GBF1: variants seen among roughly 807,000 people sequenced by gnomAD.
GBF1 encodes Golgi-specific brefeldin A-resistance guanine nucleotide exchange factor 1.
GBF1 carries 114 observed loss-of-function variants against 210.5 expected under a neutral mutation model. That is an observed-to-expected ratio of 0.54 (90% CI 0.47 to 0.63). The LOEUF (loss-of-function observed/expected upper bound fraction) is 0.63. GBF1 is among the 30% of genes least tolerant of loss of function. The pLI is 0.00. For synonymous variants in GBF1, 850 were observed against 889.2 expected, an observed-to-expected ratio of 0.96 and a Z score of 0.78; for missense variants, 1,851 against 2,357.7, an observed-to-expected ratio of 0.79 and a Z score of 4.45.
At position 102,382,415 on chromosome 10, in the gene GBF1, C is replaced by A; in HGVS notation, c.*79C>A. ...CCACTTCTGGCTGTCCTGCGGGCCA[C>A]AAGCTCTTCAGGCCAAGTCAGAGCT... On this transcript the variant is annotated 3_prime_UTR_variant, in exon 40 of 40. Coordinates refer to ENST00000369983, the MANE Select transcript of GBF1 (RefSeq NM_001377137.1). The A allele has an allele frequency of 7.6e-7, 1 of 1,315,868 alleles. No homozygotes were observed. The highest frequency in any genetic ancestry group is 1.0e-6 in the Non-Finnish European group (1 of 953,478). 81.5% of individuals were successfully genotyped at this position (1,315,868 alleles called of 1,614,324 possible). A position where few individuals can be genotyped will look rare whatever the true frequency, so the allele number is the denominator to read the frequency against.
intron 1 of GBF1, among the ~76,000 whole-genome samples, chr10:102,246,493 TC>T (rs1169659601): frequency 6.6e-6 from 1 of 152,178 alleles, no homozygotes; most frequent in African/African-American, 2.4e-5. Context: ...TCTCAGATCT[TC>T]ACTAAGGAGA....
chr10:102,350,072 C>T (rs563774669), intron 4 of GBF1, among the ~76,000 whole-genome samples: 3 of 152,200 alleles, frequency 2.0e-5, no homozygotes, highest in South Asian at 2.1e-4. Context: ...GTCTTTGGGC[C>T]AGGCATGGTA....
At chr10:102,233,564 A>T in the GBF1 span, among the ~76,000 whole-genome samples, 1 of 152,082 alleles carries the variant, frequency 6.6e-6, no homozygotes, top group Non-Finnish European at 1.5e-5. Flanking sequence ...TCGGCCTCCC[A>T]AAGTGCTGGA....
At chr10:102,249,953 G>A (rs767891081) in intron 1 of GBF1, among the ~76,000 whole-genome samples, 11 of 152,140 alleles carry the variant, frequency 7.2e-5, no homozygotes, top group Non-Finnish European at 1.3e-4. Context: ...GCCTCCCAAA[G>A]TGCTGGGATT....
intron 5 of GBF1, 69 bp from the exon 6 acceptor site, chr10:102,351,774 C>T (rs948282559): frequency 1.1e-6 from 1 of 892,128 alleles, no homozygotes; most frequent in Non-Finnish European, 1.9e-6. Flanking sequence ...CTTGCTAACC[C>T]CTCTCTCTTA....
At chr10:102,342,038 C>CTTTTTTTTTTTTTTTTAT (rs762320060) in intron 3 of GBF1, among the ~76,000 whole-genome samples, 1 of 139,232 alleles carries the variant, frequency 7.2e-6, no homozygotes, top group Non-Finnish European at 1.6e-5. Flanking sequence ...TTTTTATGTA[C>CTTTTTTTTTTTTTTTTAT]TTTTTTTTTT....
chr10:102,242,404 C>T (rs1026805268), upstream of GBF1, among the ~76,000 whole-genome samples: 1 of 152,210 alleles, frequency 6.6e-6, no homozygotes, highest in Non-Finnish European at 1.5e-5. Context: ...TTAGGCTGTG[C>T]TCTCCCTCCT....
chr10:102,254,866 A>T (rs974226853), intron 1 of GBF1, among the ~76,000 whole-genome samples: 1 of 152,100 alleles, frequency 6.6e-6, no homozygotes, highest in Non-Finnish European at 1.5e-5. Context: ...TGACCTTGTG[A>T]CAAGGGATTT....
At position 102,366,786 on chromosome 10, in the gene GBF1, A is replaced by T. The variant is rs758294358; in HGVS notation, c.2433+280A>T. Among the ~76,000 whole-genome samples, 10 of 151,792 alleles carry T rather than the reference A, an allele frequency of 6.6e-5. No homozygotes were observed. The highest frequency in any genetic ancestry group is 1.3e-4 in the Non-Finnish European group (9 of 67,958). On this transcript the variant is annotated intron_variant, in intron 19 of 39. Coordinates refer to ENST00000369983, the MANE Select transcript of GBF1 (RefSeq NM_001377137.1). The surrounding 1 kb of genome is among the most constrained non-coding windows in gnomAD (Gnocchi z 4.0). ...ATTTTTAGTAGAGATGGGTTTTGCC[A>T]TGTTGGTCAGGCTGGTCTCGAACTC...
the GBF1 span, among the ~76,000 whole-genome samples, chr10:102,237,311 T>C: frequency 6.6e-6 from 1 of 151,904 alleles, no homozygotes; most frequent in Non-Finnish European, 1.5e-5. Context: ...CGTGACTGAA[T>C]TGGGAGTTCA....
intron 3 of GBF1, among the ~76,000 whole-genome samples, chr10:102,319,886 G>A (rs1394174448): frequency 6.6e-6 from 1 of 151,558 alleles, no homozygotes; most frequent in Non-Finnish European, 1.5e-5. Flanking sequence ...CTGCCACCAC[G>A]CCCAACTAAT....
At chr10:102,312,900 T>C (rs2078599249) in intron 3 of GBF1, among the ~76,000 whole-genome samples, 1 of 152,154 alleles carries the variant, frequency 6.6e-6, no homozygotes. Context: ...ATCTGAGCTG[T>C]GCCTTGTCCT....
At chr10:102,346,625 C>T (rs537309259) in intron 4 of GBF1, among the ~76,000 whole-genome samples, 1 of 152,186 alleles carries the variant, frequency 6.6e-6, no homozygotes, top group African/African-American at 2.4e-5. Flanking sequence ...CTCCCACCTC[C>T]GCCTCCCAAG....
At position 102,369,611 on chromosome 10, in the gene GBF1, C is replaced by T. The variant is rs998171434; in HGVS notation, c.3151-100C>T. The stretch of plus-strand genomic sequence containing the variant: ...ACCAATTGGCACAATAGCATAGGGG[C>T]AGAAGACTAGAGGAGGAAATCCAGA... On this transcript the variant is annotated intron_variant, in intron 24 of 39. Coordinates refer to ENST00000369983, the MANE Select transcript of GBF1 (RefSeq NM_001377137.1). 6.3e-6 allele frequency: 7 copies of T among 1,115,814 alleles called. No homozygotes were observed. In the Admixed American group the frequency reaches 1.3e-4, roughly 21 times the overall value. The allele number at this position is 1,115,814 out of a possible 1,614,324, so 69.1% of individuals were successfully genotyped here.
chr10:102,260,757 A>G (rs1362750090), intron 3 of GBF1, among the ~76,000 whole-genome samples: 1 of 149,558 alleles, frequency 6.7e-6, no homozygotes, highest in Non-Finnish European at 1.5e-5. Context: ...GATTACAGGA[A>G]TGAGCCACTG....
intron 1 of GBF1, among the ~76,000 whole-genome samples, chr10:102,251,133 G>A (rs1378486586): frequency 6.6e-6 from 1 of 152,210 alleles, no homozygotes; most frequent in East Asian, 1.9e-4. Flanking sequence ...AAATGTGAAT[G>A]TGCAAATAAC....
At chr10:102,330,772 G>A (rs977954778) in intron 3 of GBF1, among the ~76,000 whole-genome samples, 1 of 152,154 alleles carries the variant, frequency 6.6e-6, no homozygotes, top group African/African-American at 2.4e-5. Context: ...AATGAAATGG[G>A]ATTCTTGTGA....
intron 5 of GBF1, 108 bp downstream of exon 5, chr10:102,351,482 A>T: frequency 1.4e-6 from 1 of 724,042 alleles, no homozygotes; most frequent in Non-Finnish European, 2.5e-6. Flanking sequence ...ACTGGGGCTT[A>T]GGGGAGCTAC....
At chr10:102,365,309 A>G (rs2059852250) in intron 17 of GBF1, 88 bp from the exon 18 acceptor site, 31 of 948,276 alleles carry the variant, frequency 3.3e-5, no homozygotes, top group East Asian at 1.8e-4. Flanking sequence ...TAGCTGACCA[A>G]CTGTGGGTGG....
Sources: allele counts gnomAD v4.1 joint callset (sites outside exome capture counted in the v4.1 genomes callset), GRCh38; gene constraint gnomAD v4.1.1; non-coding constraint Gnocchi (gnomAD v3.1); transcripts MANE v1.5; gene names NCBI Gene and HGNC (gene_info 2026-07-23, HGNC 2026-07-21).